The following RAPGEF2 variants were observed in gnomAD, a reference collection of about 807,000 sequenced individuals.
RAPGEF2 encodes the protein PDZ domain containing guanine nucleotide exchange factor (GEF) 1.
A neutral mutation model predicts 186.7 loss-of-function variants in RAPGEF2; 54 were observed. The observed-to-expected ratio is 0.29, with a 90% CI of 0.23 to 0.36. RAPGEF2 has a LOEUF of 0.36. Among genes scored for constraint, RAPGEF2 ranks in the 10% least tolerant of loss-of-function variants. The probability of loss-of-function intolerance (pLI) is 1.00; values close to 1 mark genes in which losing one functional copy is unlikely to be tolerated. For missense variants in RAPGEF2, 1,532 were observed against 2,045.0 expected, an observed-to-expected ratio of 0.75 and a Z score of 4.84; for synonymous variants, 712 against 705.9, an observed-to-expected ratio of 1.01 and a Z score of -0.14.
At chr4:159,342,553 ATTATTTTATTTTATTTTATTTTATT>A (rs1159754910) in intron 20 of RAPGEF2, among the ~76,000 whole-genome samples, 23 of 71,976 alleles carry the variant, frequency 3.2e-4, no homozygotes, top group Non-Finnish European at 4.7e-4. Context: ...TTTATTTTAT[ATTATTTTATTTTATTTTATTTTATT>A]TTATTTTATT....
At chr4:159,351,166 C>A in intron 26 of RAPGEF2, 1 of 1,534,726 alleles carries the variant, frequency 6.5e-7, no homozygotes, top group Non-Finnish European at 8.7e-7. Context: ...CAATGCACCA[C>A]GGACCTATGG....
chr4:159,287,717 T>C (rs1166530547), intron 7 of RAPGEF2, among the ~76,000 whole-genome samples: 1 of 152,196 alleles, frequency 6.6e-6, no homozygotes, highest in Non-Finnish European at 1.5e-5. Context: ...GGAATACTTG[T>C]CTTTAAAATT....
rs1438035842 is a variant in RAPGEF2 at position 159,341,865 on chromosome 4, A to G, written c.2836A>G (p.Met946Val). The G allele has an allele frequency of 3.1e-6, 5 of 1,613,722 alleles. No homozygotes were observed. The South Asian group carries it at 5.5e-5, about 18-fold the overall frequency. The part of the protein sequence containing the change: ...ILRETNQLKR[M>V]KIIKHFIKIA... ...CAGAGAAACAAACCAGCTGAAGAGG[A>G]TGAAGATCATTAAGCATTTCATCAA... The change falls in exon 20 of 30, where the codon ATG becomes GTG. Residue 946 changes from methionine to valine, a missense_variant. Met to Val is a conservative substitution (Grantham distance 21, BLOSUM62 1). Transcript: ENST00000691494.
chr4:159,216,322 A>G (rs539746545), intron 4 of RAPGEF2, among the ~76,000 whole-genome samples: 39 of 152,312 alleles, frequency 2.6e-4, no homozygotes, highest in South Asian at 6.2e-4. Context: ...GTAAATTGAC[A>G]TGGCAAAGAC....
chr4:159,110,621 T>C (rs572759546), intron 1 of RAPGEF2, among the ~76,000 whole-genome samples: 1 of 152,162 alleles, frequency 6.6e-6, no homozygotes, highest in Non-Finnish European at 1.5e-5. Context: ...TTGTACTAAA[T>C]ATATTTCTTA....
chr4:159,221,481 T>A (rs1258352565), intron 4 of RAPGEF2, among the ~76,000 whole-genome samples: 1 of 152,224 alleles, frequency 6.6e-6, no homozygotes, highest in African/African-American at 2.4e-5. Flanking sequence ...GTAGTAGTCA[T>A]GTGGCTACTT....
In RAPGEF2 at chr4:159,332,637, A is replaced by G. The variant is rs61758814; in HGVS notation, c.2075A>G (p.Asn692Ser). Residue 692 changes from asparagine to serine, a missense_variant, in exon 17 of 30, where the codon AAC becomes AGC. Transcript: ENST00000691494. ...AAAGCCAACACTGTGGGAGGAAGGAACAAGCTGAAAAAGATACTCGACAAG... is the reference window on the plus strand; with the variant it reads ...AAAGCCAACACTGTGGGAGGAAGGAGCAAGCTGAAAAAGATACTCGACAAG... ...KSKANTVGGRNKLKKILDKTR... is the reference protein window; with the variant it reads ...KSKANTVGGRSKLKKILDKTR... The G allele has an allele frequency of 3.1e-6, 5 of 1,614,172 alleles. 1 individual carries two copies. In the East Asian group the frequency reaches 6.7e-5, roughly 22 times the overall value.
At chr4:159,173,851 T>C (rs1162352354) in intron 1 of RAPGEF2, among the ~76,000 whole-genome samples, 1 of 152,218 alleles carries the variant, frequency 6.6e-6, no homozygotes, top group African/African-American at 2.4e-5. Context: ...AGTATGTTAA[T>C]CTACACATGT....
chr4:159,308,349 A>G (rs1273236075), intron 8 of RAPGEF2, among the ~76,000 whole-genome samples: 1 of 152,196 alleles, frequency 6.6e-6, no homozygotes, highest in African/African-American at 2.4e-5. Context: ...GGATCTAGTT[A>G]TTGGCTGTGC....
intron 13 of RAPGEF2, among the ~76,000 whole-genome samples, chr4:159,330,832 G>T (rs28409785): frequency 6.6e-6 from 1 of 152,012 alleles, no homozygotes; most frequent in Admixed American, 6.5e-5. Context: ...TTCTAGTTTG[G>T]TAGTAAGTGT....
intron 1 of RAPGEF2, among the ~76,000 whole-genome samples, chr4:159,118,098 A>G (rs1373460605): frequency 6.6e-6 from 1 of 152,210 alleles, no homozygotes; most frequent in Admixed American, 6.5e-5. Flanking sequence ...GTAGCAGTCC[A>G]TGGCCTGTTA....
At chr4:159,232,022 A>C (rs1386674858) in intron 4 of RAPGEF2, among the ~76,000 whole-genome samples, 1 of 152,114 alleles carries the variant, frequency 6.6e-6, no homozygotes, top group Non-Finnish European at 1.5e-5. Context: ...TAAAATAGAG[A>C]TTCTACTTTT....
chr4:159,176,489 C>CA (rs1251749432), intron 1 of RAPGEF2, among the ~76,000 whole-genome samples: 1 of 151,520 alleles, frequency 6.6e-6, no homozygotes. Flanking sequence ...GGAAATACTG[C>CA]AAAAAAATGT....
intron 1 of RAPGEF2, among the ~76,000 whole-genome samples, chr4:159,149,687 C>A (rs753462318): frequency 2.0e-4 from 30 of 152,116 alleles, no homozygotes; most frequent in Non-Finnish European, 4.1e-4. Flanking sequence ...GTATGTATTT[C>A]CCTAAATAGG....
chr4:159,351,298 G>T, intron 26 of RAPGEF2: 2 of 1,178,886 alleles, frequency 1.7e-6, no homozygotes, highest in Non-Finnish European at 2.3e-6. Context: ...TTATTTTTCT[G>T]AAACTTTTTT....
chr4:159,325,720 AATTG>A (rs1273173964), intron 11 of RAPGEF2, among the ~76,000 whole-genome samples: 1 of 152,212 alleles, frequency 6.6e-6, no homozygotes, highest in African/African-American at 2.4e-5. Context: ...GTTTCAGGAT[AATTG>A]ATTGAAATAT....
intron 7 of RAPGEF2, among the ~76,000 whole-genome samples, chr4:159,253,118 C>T (rs1755667557): frequency 6.6e-6 from 1 of 152,196 alleles, no homozygotes; most frequent in Non-Finnish European, 1.5e-5. Flanking sequence ...AATCTGGCCT[C>T]ACATGCATAG....
At chr4:159,104,549 A>T (rs541934096) in intron 1 of RAPGEF2, among the ~76,000 whole-genome samples, 3,339 of 132,050 alleles carry the variant, frequency 0.025, 110 homozygotes, top group Middle Eastern at 0.044. Context: ...AGAGAGAGAG[A>T]GAGAGTGTGT....
intron 5 of RAPGEF2, 99 bp from the exon 6 acceptor site, chr4:159,241,102 A>C: frequency 7.2e-6 from 7 of 975,626 alleles, no homozygotes; most frequent in Non-Finnish European, 9.8e-6. Flanking sequence ...TCTTTGCAAG[A>C]TGATTGAATA....
Sources: gnomAD v4.1 joint callset for allele counts (sites outside exome capture counted in the v4.1 genomes callset) on GRCh38, gnomAD v4.1.1 for gene constraint, MANE v1.5 for transcripts, NCBI Gene and HGNC (gene_info 2026-07-23, HGNC 2026-07-21) for gene names.